The following SGCZ variants were observed in gnomAD, a reference collection of about 807,000 sequenced individuals.
The protein encoded by SGCZ is sarcoglycan zeta, also known as zeta-sarcoglycan.
A neutral mutation model predicts 41.3 loss-of-function variants in SGCZ; 40 were observed. The ratio of observed to expected loss-of-function variants is 0.97; its 90% CI spans 0.75 to 1.26. The LOEUF is 1.26. SGCZ is among the 50% of genes most tolerant of loss of function. SGCZ has a pLI of 0.00. For missense variants in SGCZ, 552 were observed against 369.8 expected (o/e 1.49, Z -4.04); for synonymous variants, 206 against 137.5 (o/e 1.50, Z -3.49).
chr8:15,050,744 G>A (rs1022219277), intron 1 of SGCZ, among the ~76,000 whole-genome samples: 8 of 152,038 alleles, frequency 5.3e-5, no homozygotes, highest in African/African-American at 1.9e-4. Context: ...GGGAATTGGG[G>A]GAGAAAGCAT....
At chr8:15,038,249 G>C (rs944198393) in intron 1 of SGCZ, among the ~76,000 whole-genome samples, 2 of 152,006 alleles carry the variant, frequency 1.3e-5, no homozygotes, top group African/African-American at 4.8e-5. Flanking sequence ...TAGTGGCATA[G>C]AAACAGACTC....
chr8:14,950,104 A>G (rs1800583867), intron 1 of SGCZ, among the ~76,000 whole-genome samples: 1 of 152,110 alleles, frequency 6.6e-6, no homozygotes, highest in African/African-American at 2.4e-5. Context: ...ATCCTGAAAT[A>G]CTAAAACTAT....
At chr8:15,227,621 C>G (rs1386329669) in intron 1 of SGCZ, among the ~76,000 whole-genome samples, 1 of 152,142 alleles carries the variant, frequency 6.6e-6, no homozygotes, top group Non-Finnish European at 1.5e-5. Flanking sequence ...TGTTAACATT[C>G]TCAAATTGTA....
chr8:14,205,342 C>A (rs914958401), intron 4 of SGCZ, among the ~76,000 whole-genome samples: 1 of 152,100 alleles, frequency 6.6e-6, no homozygotes, highest in African/African-American at 2.4e-5. Context: ...CTTCAGAAAG[C>A]AATGTACCTG....
chr8:14,151,855 G>A (rs1051958111), intron 5 of SGCZ, among the ~76,000 whole-genome samples: 1 of 151,910 alleles, frequency 6.6e-6, no homozygotes, highest in African/African-American at 2.4e-5. Context: ...AATGGAGGAA[G>A]AAAAAGCTTG....
intron 2 of SGCZ, among the ~76,000 whole-genome samples, chr8:14,438,677 A>G (rs1036094203): frequency 1.3e-5 from 2 of 152,062 alleles, no homozygotes; most frequent in Non-Finnish European, 2.9e-5. Flanking sequence ...ATCCCATCAG[A>G]TATTTCATGA....
chr8:14,309,982 C>A (rs1481652354), intron 3 of SGCZ, among the ~76,000 whole-genome samples: 1 of 151,956 alleles, frequency 6.6e-6, no homozygotes, highest in East Asian at 1.9e-4. Flanking sequence ...TAATTACATA[C>A]AAATTTTACC....
At chr8:14,769,455 T>G (rs1378312296) in intron 1 of SGCZ, among the ~76,000 whole-genome samples, 2 of 152,178 alleles carry the variant, frequency 1.3e-5, no homozygotes, top group African/African-American at 4.8e-5. Context: ...AAATCTAATT[T>G]TATGTATCAG....
intron 5 of SGCZ, among the ~76,000 whole-genome samples, chr8:14,119,854 T>C (rs1290636173): frequency 6.6e-6 from 1 of 152,214 alleles, no homozygotes; most frequent in African/African-American, 2.4e-5. Context: ...GTTTATATGA[T>C]GGATTACATT....
intron 1 of SGCZ, among the ~76,000 whole-genome samples, chr8:15,050,155 G>T (rs1315937390): frequency 1.3e-5 from 2 of 152,142 alleles, no homozygotes; most frequent in Non-Finnish European, 2.9e-5. Context: ...GTGGGTAACA[G>T]AAAATGATAA....
At chr8:14,412,487 T>C (rs1799386693) in intron 2 of SGCZ, among the ~76,000 whole-genome samples, 1 of 152,126 alleles carries the variant, frequency 6.6e-6, no homozygotes, top group African/African-American at 2.4e-5. Flanking sequence ...AAATAGATAA[T>C]CTCAGCATAA....
At chr8:15,014,881 A>G (rs2130932262) in intron 1 of SGCZ, among the ~76,000 whole-genome samples, 1 of 152,352 alleles carries the variant, frequency 6.6e-6, no homozygotes, top group East Asian at 1.9e-4. Context: ...TTAGGCAAAA[A>G]TAAGCTGGCC....
At chr8:14,851,140 C>T (rs1040412038) in intron 1 of SGCZ, among the ~76,000 whole-genome samples, 2 of 151,942 alleles carry the variant, frequency 1.3e-5, no homozygotes, top group Non-Finnish European at 2.9e-5. Context: ...GAGGCCAAGG[C>T]GGGCGGATCA....
intron 3 of SGCZ, among the ~76,000 whole-genome samples, chr8:14,303,994 C>G (rs1801274665): frequency 6.6e-6 from 1 of 151,660 alleles, no homozygotes; most frequent in African/African-American, 2.4e-5. Flanking sequence ...TCAAGTGATA[C>G]TCCTGCCTCG....
chr8:15,000,751 G>T (rs7820939), intron 1 of SGCZ, among the ~76,000 whole-genome samples: 1 of 151,924 alleles, frequency 6.6e-6, no homozygotes, highest in Non-Finnish European at 1.5e-5. Context: ...TGTGAGCCCT[G>T]TGTAAATCAG....
chr8:14,706,982 T>C (rs1809351455), intron 1 of SGCZ, among the ~76,000 whole-genome samples: 4 of 123,892 alleles, frequency 3.2e-5, no homozygotes, highest in Admixed American at 2.3e-4. Flanking sequence ...TAGTCAATTC[T>C]TTTTTTTTTT....
intron 2 of SGCZ, among the ~76,000 whole-genome samples, chr8:14,377,133 G>A (rs1215772235): frequency 6.6e-6 from 1 of 152,210 alleles, no homozygotes; most frequent in Non-Finnish European, 1.5e-5. Context: ...TAATTAGAGA[G>A]TTGGAACTTT....
chr8:14,961,521 A>T (rs1800966251), intron 1 of SGCZ, among the ~76,000 whole-genome samples: 2 of 152,140 alleles, frequency 1.3e-5, no homozygotes, highest in Admixed American at 1.3e-4. Context: ...TTATCACATT[A>T]TATTGTTATA....
intron 2 of SGCZ, among the ~76,000 whole-genome samples, chr8:14,391,327 T>G (rs1804762730): frequency 6.6e-6 from 1 of 152,154 alleles, no homozygotes; most frequent in Non-Finnish European, 1.5e-5. Flanking sequence ...TATACAATTA[T>G]TACACATATA....
Sources: allele counts gnomAD v4.1 joint callset (sites outside exome capture counted in the v4.1 genomes callset), GRCh38; gene constraint gnomAD v4.1.1; transcripts MANE v1.5; gene names NCBI Gene and HGNC (gene_info 2026-07-23, HGNC 2026-07-21).